LRP8: variants seen among roughly 807,000 people sequenced by gnomAD.
The protein encoded by LRP8 is LDL receptor related protein 8.
LRP8 carries 46 observed loss-of-function variants against 111.6 expected under a neutral mutation model. The observed-to-expected ratio is 0.41, with a 90% confidence interval of 0.33 to 0.53. LRP8 has a LOEUF of 0.53. Ranked by LOEUF, LRP8 falls within the 20% of genes least tolerant of loss-of-function variation. The pLI, the probability that LRP8 is intolerant of heterozygous loss-of-function variation, is 0.20. For missense variants in LRP8, 959 were observed against 1,297.4 expected (o/e 0.74, Z 4.01); for synonymous variants, 464 against 511.2 (o/e 0.91, Z 1.24).
intron 2 of LRP8, among the ~76,000 whole-genome samples, chr1:53,296,071 A>G (rs1367220338): frequency 2.6e-5 from 4 of 152,176 alleles, no homozygotes; most frequent in Admixed American, 1.3e-4. Context: ...GGAGACCCCA[A>G]TCCTCAGAGC....
chr1:53,285,376 C>T (rs1415203414), intron 3 of LRP8, among the ~76,000 whole-genome samples: 2 of 152,142 alleles, frequency 1.3e-5, no homozygotes, highest in East Asian at 3.9e-4. Flanking sequence ...TGTCCACTCT[C>T]AGGATAACTG....
intron 2 of LRP8, among the ~76,000 whole-genome samples, chr1:53,308,438 C>T (rs1258992908): frequency 6.6e-6 from 1 of 152,228 alleles, no homozygotes; most frequent in African/African-American, 2.4e-5. Context: ...CACTGGCCCT[C>T]CAGGTCTCTC....
intron 2 of LRP8, among the ~76,000 whole-genome samples, chr1:53,326,291 G>T (rs995531360): frequency 5.3e-5 from 8 of 152,224 alleles, no homozygotes; most frequent in Non-Finnish European, 1.0e-4. Flanking sequence ...CGGGGCCGGG[G>T]CAGGGCAGGG....
rs532013949 is a variant in LRP8, at chr1:53,279,128, G to A, written c.496+1459C>T. ...TTCTTCATACTGAGTTTTCTCTGAG[G>A]TTTTGGAGCCAACAGTAACTTTAAG... On this transcript the variant is annotated intron_variant, in intron 4 of 18. Coordinates refer to ENST00000306052, the MANE Select transcript of LRP8 (RefSeq NM_004631.5). This position sits in a 1 kb window ranked among gnomAD's most constrained non-coding sequence, Gnocchi z 4.4. Among the ~76,000 whole-genome samples the A allele has an allele frequency of 1.3e-5, 2 of 152,072 alleles. No homozygotes were observed. Among genetic ancestry groups the A allele is most frequent in the East Asian group, 3.9e-4 (2 of 5,164 alleles).
At chr1:53,290,864 G>T (rs921971613) in intron 2 of LRP8, among the ~76,000 whole-genome samples, 1 of 152,096 alleles carries the variant, frequency 6.6e-6, no homozygotes, top group Non-Finnish European at 1.5e-5. Context: ...GTTGGAGACC[G>T]GGAAGGGGCC....
chr1:53,285,983 A>C (rs1446515879), intron 3 of LRP8, among the ~76,000 whole-genome samples: 2 of 152,250 alleles, frequency 1.3e-5, no homozygotes. Context: ...TGCCCCAGAA[A>C]TTCAAATCCA....
At chr1:53,323,250 G>A (rs566945469) in intron 2 of LRP8, among the ~76,000 whole-genome samples, 21 of 152,288 alleles carry the variant, frequency 1.4e-4, no homozygotes, top group African/African-American at 3.9e-4. Flanking sequence ...TACGTAACCC[G>A]TCTGTGCCTC....
intron 2 of LRP8, among the ~76,000 whole-genome samples, chr1:53,301,416 C>A (rs527683954): frequency 2.0e-5 from 3 of 152,258 alleles, no homozygotes; most frequent in South Asian, 2.1e-4. Context: ...GATTAGGAAG[C>A]AAAGACCTTA....
At chr1:53,316,700 T>G (rs1451119652) in intron 2 of LRP8, among the ~76,000 whole-genome samples, 3 of 152,228 alleles carry the variant, frequency 2.0e-5, no homozygotes, top group African/African-American at 7.2e-5. Context: ...GGAGATGCCC[T>G]ACTCCCAAGG....
In LRP8 at chr1:53,250,715, G is replaced by C; in HGVS notation, c.2651C>G (p.Ala884Gly). 1 of 1,614,088 alleles carries C rather than the reference G, an allele frequency of 6.2e-7. No homozygotes were observed. Residue 884 changes from alanine (A) to glycine (G), a missense_variant, in exon 17 of 19, where the codon GCT (alanine) becomes GGT (glycine). Transcript: ENST00000306052. The surrounding 1 kb of genome is among the most constrained non-coding windows in gnomAD (Gnocchi z 4.6). ...TGCAGGATAGACATGGCCAATCTGA[G>C]CAGTTCTCCCTATATGGAGCTCATC... The part of the protein sequence containing the change: ...DEDELHIGRT[A>G]QIGHVYPAAI...
At position 53,297,004 on chromosome 1, in the gene LRP8, G is replaced by C. The variant is rs1649851680; in HGVS notation, c.245-7315C>G. ...CCAGAGCCCATCGCCAGCAGATCTG[G>C]GGTCCAGCAGCACTGGATTCAAATC... On this transcript the variant is annotated intron_variant, in intron 2 of 18. Transcript: ENST00000306052. Among the ~76,000 whole-genome samples, 3 of 151,752 alleles carry C rather than the reference G, an allele frequency of 2.0e-5. No homozygotes were observed. The South Asian group carries it at 6.2e-4, about 32-fold the overall frequency.
intron 2 of LRP8, among the ~76,000 whole-genome samples, chr1:53,292,351 A>G (rs1293651057): frequency 1.7e-4 from 26 of 152,300 alleles, no homozygotes; most frequent in Admixed American, 3.9e-4. Context: ...AGGCCCAGAA[A>G]GGGAAAGGGG....
chr1:53,285,328 C>T (rs915278824), intron 3 of LRP8, among the ~76,000 whole-genome samples: 1 of 152,144 alleles, frequency 6.6e-6, no homozygotes, highest in Non-Finnish European at 1.5e-5. Context: ...AGGGGACTCA[C>T]TGAGCCTTTG....
intron 16 of LRP8, among the ~76,000 whole-genome samples, chr1:53,254,529 C>A (rs1646008505): frequency 6.6e-6 from 1 of 151,994 alleles, no homozygotes; most frequent in African/African-American, 2.4e-5. Context: ...TAGGACCTAC[C>A]AGGTCGTAAT....
chr1:53,266,511 G>T lies in LRP8; in HGVS notation c.1389C>A (p.Arg463=). 6.2e-7 allele frequency: 1 copy of T among 1,614,196 alleles called. No individual in the cohort carries two copies. The highest frequency in any genetic ancestry group is 8.5e-7 in the Non-Finnish European group (1 of 1,180,026). The change falls in exon 9 of 19, where the codon CGC becomes CGA. Residue 463 remains arginine, a synonymous_variant. Coordinates refer to ENST00000306052, the MANE Select transcript of LRP8 (RefSeq NM_004631.5). This position sits in a 1 kb window ranked among gnomAD's most constrained non-coding sequence, Gnocchi z 5.0. Reference sequence around the variant, plus strand: ...GGTAGGAGAGGTCACACCAGTAGATGCGATTGGTGGCAACTTCCACATCTA... The same window carrying T: ...GGTAGGAGAGGTCACACCAGTAGATTCGATTGGTGGCAACTTCCACATCTA... ...VALDVEVATN[R]IYWCDLSYRK... is the part of the protein sequence containing the mutation.
chr1:53,260,685 T>C, intron 12 of LRP8, 80 bp from the exon 13 acceptor site: 3 of 1,450,738 alleles, frequency 2.1e-6, no homozygotes, highest in East Asian at 2.3e-5. Context: ...CCCCAAACCA[T>C]AGTCACAAGA....
At position 53,327,965 on chromosome 1, in the gene LRP8, C is replaced by T. The variant is rs1655407720; in HGVS notation, c.-53G>A. 2 of 1,044,850 alleles carry T rather than the reference C, an allele frequency of 1.9e-6. No homozygotes were observed. The highest frequency in any genetic ancestry group is 3.4e-5 in the African/African-American group (2 of 58,478). 64.7% of individuals were successfully genotyped at this position (1,044,850 alleles called of 1,614,324 possible). ...CCCCGCGCTCCCCGCGCCGCCGCCG[C>T]CGCGTCTCAGCCCTCCGAGTCCTTG... On this transcript the variant is annotated 5_prime_UTR_variant, in exon 1 of 19. Coordinates refer to ENST00000306052, the MANE Select transcript of LRP8 (RefSeq NM_004631.5).
chr1:53,245,600 A>G lies in LRP8; in HGVS notation c.*1418T>C, dbSNP rs1645707533. ...CAGTAAACCAAATTCCTGTGTGAAC[A>G]TAAATATCCAATATAATATAATATT... On this transcript the variant is annotated 3_prime_UTR_variant, in exon 19 of 19. Transcript: ENST00000306052. The G allele has an allele frequency of 6.6e-6, 1 of 152,346 alleles. No homozygotes were observed. Among genetic ancestry groups the G allele is most frequent in the South Asian group, 2.1e-4 (1 of 4,834 alleles). 9.4% of individuals were successfully genotyped at this position (152,346 alleles called of 1,614,324 possible).
At chr1:53,256,702 A>G (rs140947763) in intron 15 of LRP8, among the ~76,000 whole-genome samples, 173 of 152,366 alleles carry the variant, frequency 1.1e-3, no homozygotes, top group African/African-American at 3.7e-3. Flanking sequence ...ACTGCTCCCA[A>G]TGATTTAATA....
Sources: allele counts gnomAD v4.1 joint callset (sites outside exome capture counted in the v4.1 genomes callset), GRCh38; gene constraint gnomAD v4.1.1; non-coding constraint Gnocchi (gnomAD v3.1); transcripts MANE v1.5; gene names NCBI Gene and HGNC (gene_info 2026-07-23, HGNC 2026-07-21).